PCSK2: variants seen among roughly 807,000 people sequenced by gnomAD.
PCSK2 encodes neuroendocrine convertase 2.
In PCSK2, 14 loss-of-function variants were observed where a neutral mutation model predicts 69.7. The observed-to-expected ratio is 0.20, with a 90% confidence interval of 0.13 to 0.31. The LOEUF (loss-of-function observed/expected upper bound fraction) is 0.31, where lower values mean the gene tolerates loss of function less well. PCSK2 is among the 10% of genes least tolerant of loss of function. The probability of loss-of-function intolerance (pLI) is 1.00; values close to 1 mark genes in which losing one functional copy is unlikely to be tolerated. For synonymous variants in PCSK2, 307 were observed against 320.7 expected (o/e 0.96, Z 0.46); for missense variants, 544 against 842.5 (o/e 0.65, Z 4.39).
intron 2 of PCSK2, among the ~76,000 whole-genome samples, chr20:17,347,894 A>G (rs866826966): frequency 0.024 from 578 of 24,480 alleles, 38 homozygotes; most frequent in Middle Eastern, 0.068. Flanking sequence ...GAAAGAAAGA[A>G]AGAAAGAAAG....
chr20:17,343,210 C>A (rs2123176302), intron 2 of PCSK2, among the ~76,000 whole-genome samples: 1 of 152,288 alleles, frequency 6.6e-6, no homozygotes, highest in Admixed American at 6.5e-5. Flanking sequence ...CAACGCACAC[C>A]AACTACATTT....
intron 7 of PCSK2, among the ~76,000 whole-genome samples, chr20:17,435,135 T>A (rs1483341921): frequency 1.3e-5 from 2 of 152,320 alleles, no homozygotes; most frequent in Admixed American, 6.5e-5. Flanking sequence ...GGGTTAATAG[T>A]AGAAGATGGA....
Position 17,431,823 on chromosome 20 carries a change from G to T in PCSK2, c.709+2300G>T, listed in dbSNP as rs75514222. Among the ~76,000 whole-genome samples the T allele has an allele frequency of 4.1e-3, 628 of 152,288 alleles. 17 individuals carry two copies. The East Asian group carries it at 0.056, about 14-fold the overall frequency. ...TAAGGAAAACATTTTATTCATCCTGGCTGGCAATTCCAAAAGTTGGCTGGT... is the reference window on the plus strand; with the variant it reads ...TAAGGAAAACATTTTATTCATCCTGTCTGGCAATTCCAAAAGTTGGCTGGT... On this transcript the variant is annotated intron_variant, in intron 7 of 11. Transcript: ENST00000262545.
intron 2 of PCSK2, among the ~76,000 whole-genome samples, chr20:17,296,041 G>A (rs889613334): frequency 6.6e-6 from 1 of 152,194 alleles, no homozygotes; most frequent in Non-Finnish European, 1.5e-5. Context: ...CATAACCTCA[G>A]AGGGTGCAGG....
At chr20:17,255,895 G>A (rs917625532) in intron 1 of PCSK2, among the ~76,000 whole-genome samples, 1 of 152,044 alleles carries the variant, frequency 6.6e-6, no homozygotes, top group African/African-American at 2.4e-5. Flanking sequence ...TGCCATATTT[G>A]TAAGGGATCA....
chr20:17,362,798 A>G (rs1254106947), intron 4 of PCSK2, among the ~76,000 whole-genome samples: 1 of 152,234 alleles, frequency 6.6e-6, no homozygotes, highest in Non-Finnish European at 1.5e-5. Flanking sequence ...TTTTTAATGC[A>G]TCACATGCTA....
chr20:17,450,338 A>AT (rs1220006734), intron 8 of PCSK2, among the ~76,000 whole-genome samples: 7 of 152,046 alleles, frequency 4.6e-5, no homozygotes, highest in African/African-American at 1.7e-4. Context: ...CTTCCTAAGT[A>AT]TTTTATCCTT....
chr20:17,450,396 T>G (rs2032800632), intron 8 of PCSK2, among the ~76,000 whole-genome samples: 1 of 152,178 alleles, frequency 6.6e-6, no homozygotes, highest in South Asian at 2.1e-4. Flanking sequence ...CTGTGAAGAC[T>G]GAATAGGATA....
chr20:17,391,406 A>G (rs115280113), intron 5 of PCSK2, among the ~76,000 whole-genome samples: 1 of 152,190 alleles, frequency 6.6e-6, no homozygotes, highest in African/African-American at 2.4e-5. Context: ...AAATAAAAAA[A>G]CTCATCAATG....
chr20:17,294,256 C>T (rs1336692640), intron 2 of PCSK2, among the ~76,000 whole-genome samples: 3 of 150,058 alleles, frequency 2.0e-5, no homozygotes, highest in South Asian at 2.1e-4. Context: ...AGGCGCCCGC[C>T]ACCGCGCCCG....
chr20:17,452,580 C>G (rs2032847461), intron 8 of PCSK2, among the ~76,000 whole-genome samples: 1 of 152,230 alleles, frequency 6.6e-6, no homozygotes, highest in African/African-American at 2.4e-5. Flanking sequence ...CTGGTGACCA[C>G]ACAGGGAGAG....
rs139566082 is a variant in PCSK2 at position 17,370,670 on chromosome 20, A to G, written c.543+1393A>G. Reference sequence around the variant, plus strand: ...CCTGTCTCCTCATGGTGCCTTCCCTACTGAACATGAGTGGAGCTGTCTGCT... The same window carrying G: ...CCTGTCTCCTCATGGTGCCTTCCCTGCTGAACATGAGTGGAGCTGTCTGCT... On this transcript the variant is annotated intron_variant, in intron 5 of 11. Coordinates refer to ENST00000262545, the MANE Select transcript of PCSK2 (RefSeq NM_002594.5). Among the ~76,000 whole-genome samples, 930 of 152,102 alleles carry G rather than the reference A, an allele frequency of 6.1e-3. 9 individuals carry two copies. Among genetic ancestry groups the G allele is most frequent in the African/African-American group, 0.02 (844 of 41,512 alleles).
At position 17,481,777 on chromosome 20, in the gene PCSK2, G is replaced by T. The variant is rs768839713; in HGVS notation, c.1624G>T (p.Asp542Tyr). 4 of 1,614,152 alleles carry T rather than the reference G, an allele frequency of 2.5e-6. No homozygotes were observed. Among genetic ancestry groups the T allele is most frequent in the Non-Finnish European group, 3.4e-6 (4 of 1,180,022 alleles). The part of the protein sequence containing the change: ...KSILLSRRPR[D>Y]DDSKVGFDKW... The stretch of plus-strand genomic sequence containing the variant: ...CATTTTGCTGAGCCGGCGTCCAAGG[G>T]ATGACGACTCCAAGGTGGGCTTTGA... The change falls in exon 12 of 12, where the codon GAT becomes TAT. Residue 542 changes from aspartate to tyrosine, a missense_variant. Asp to Tyr is a radical substitution (Grantham distance 160, BLOSUM62 -3). Coordinates refer to ENST00000262545, the MANE Select transcript of PCSK2 (RefSeq NM_002594.5).
At chr20:17,447,650 A>G (rs1457494858) in intron 8 of PCSK2, among the ~76,000 whole-genome samples, 1 of 152,220 alleles carries the variant, frequency 6.6e-6, no homozygotes, top group Non-Finnish European at 1.5e-5. Flanking sequence ...ACACTGCCTA[A>G]GAAAATAAAC....
At chr20:17,341,033 T>G (rs1990495917) in intron 2 of PCSK2, among the ~76,000 whole-genome samples, 1 of 152,056 alleles carries the variant, frequency 6.6e-6, no homozygotes, top group African/African-American at 2.4e-5. Context: ...GTGGATCACT[T>G]TGAGGTCAGG....
At chr20:17,434,698 G>C (rs73102532) in intron 7 of PCSK2, among the ~76,000 whole-genome samples, 12,332 of 152,226 alleles carry the variant, frequency 0.081, 585 homozygotes, top group East Asian at 0.17. Flanking sequence ...GGTTTGTGGG[G>C]CAGCAGAAAC....
intron 2 of PCSK2, among the ~76,000 whole-genome samples, chr20:17,310,285 A>G (rs1235503720): frequency 2.0e-5 from 3 of 152,154 alleles, no homozygotes; most frequent in Non-Finnish European, 4.4e-5. Flanking sequence ...GTACACCTCT[A>G]AAGATGAAAT....
At chr20:17,399,844 C>T (rs970138203) in intron 5 of PCSK2, among the ~76,000 whole-genome samples, 1 of 152,056 alleles carries the variant, frequency 6.6e-6, no homozygotes, top group African/African-American at 2.4e-5. Context: ...GGAATTCAGT[C>T]GTCAGTGTTA....
chr20:17,309,831 G>C (rs1200187915), intron 2 of PCSK2, among the ~76,000 whole-genome samples: 1 of 149,178 alleles, frequency 6.7e-6, no homozygotes, highest in Non-Finnish European at 1.5e-5. Context: ...GAGAGAAGAA[G>C]AAGAAGAAGA....
Sources: allele counts gnomAD v4.1 joint callset (sites outside exome capture counted in the v4.1 genomes callset), GRCh38; gene constraint gnomAD v4.1.1; transcripts MANE v1.5; gene names NCBI Gene and HGNC (gene_info 2026-07-23, HGNC 2026-07-21).